Variants in PTPRD observed in about 807,000 individuals in gnomAD.
PTPRD encodes protein tyrosine phosphatase receptor type D, also known as receptor-type tyrosine-protein phosphatase delta.
PTPRD carries 34 observed loss-of-function variants against 214.5 expected under a neutral mutation model. That is an observed-to-expected ratio of 0.16 (90% CI 0.12 to 0.21). The LOEUF is 0.21. Among genes scored for constraint, PTPRD ranks in the 10% least tolerant of loss-of-function variants. The probability of loss-of-function intolerance (pLI) is 1.00; values close to 1 mark genes in which losing one functional copy is unlikely to be tolerated. For missense variants in PTPRD, 2,545 were observed against 2,398.7 expected, an observed-to-expected ratio of 1.06 and a Z score of -1.27; for synonymous variants, 1,128 against 845.7, an observed-to-expected ratio of 1.33 and a Z score of -5.79.
At chr9:8,702,711 G>C (rs374557678) in intron 12 of PTPRD, among the ~76,000 whole-genome samples, 3 of 152,118 alleles carry the variant, frequency 2.0e-5, no homozygotes, top group Non-Finnish European at 4.4e-5. Flanking sequence ...GTGTTCAAGC[G>C]ATTCTCCTGC....
In PTPRD at chr9:9,302,206, C is replaced by T. The variant is rs530637719; in HGVS notation, c.-203+95243G>A. Among the ~76,000 whole-genome samples, 597 of 151,852 alleles carry T rather than the reference C, an allele frequency of 3.9e-3. 6 individuals are homozygous for T. The highest frequency in any genetic ancestry group is 0.013 in the African/African-American group (553 of 41,486). ...GATAATTTCTTCTTTTTTTAAATTG[C>T]TTTTTTTCCCGAAAATATGTTATGG... On this transcript the variant is annotated intron_variant, in intron 9 of 45. Coordinates refer to ENST00000381196, the MANE Select transcript of PTPRD (RefSeq NM_002839.4).
intron 14 of PTPRD, among the ~76,000 whole-genome samples, chr9:8,552,705 A>G (rs137949685): frequency 2.8e-4 from 43 of 152,308 alleles, no homozygotes; most frequent in South Asian, 1.5e-3. Context: ...AAGAAGCCAA[A>G]TGCAACCCCA....
At chr9:8,420,869 G>C (rs1420170248) in intron 35 of PTPRD, among the ~76,000 whole-genome samples, 2 of 150,204 alleles carry the variant, frequency 1.3e-5, no homozygotes, top group Admixed American at 1.3e-4. Context: ...TGAGTTCTGT[G>C]ATCAGTATTC....
intron 8 of PTPRD, among the ~76,000 whole-genome samples, chr9:9,568,017 A>G (rs560470163): frequency 1.3e-5 from 2 of 151,758 alleles, no homozygotes; most frequent in African/African-American, 2.4e-5. Context: ...ATCTTTCAAT[A>G]TTGAGGGATT....
intron 9 of PTPRD, among the ~76,000 whole-genome samples, chr9:9,330,903 A>G (rs957097262): frequency 6.6e-6 from 1 of 151,434 alleles, no homozygotes. Context: ...GGAAAAGAAG[A>G]GCTTTTTTTT....
intron 33 of PTPRD, among the ~76,000 whole-genome samples, chr9:8,455,485 A>G (rs1468489260): frequency 6.6e-6 from 1 of 152,218 alleles, no homozygotes; most frequent in African/African-American, 2.4e-5. Context: ...GGCAAATTGC[A>G]AAGTTTTCAG....
chr9:9,608,214 T>C (rs1001675693), intron 7 of PTPRD, among the ~76,000 whole-genome samples: 3 of 152,176 alleles, frequency 2.0e-5, no homozygotes, highest in African/African-American at 7.2e-5. Context: ...CCTGACATGG[T>C]GCTTTCAAGA....
At chr9:10,208,515 A>C (rs1025071006) in intron 3 of PTPRD, among the ~76,000 whole-genome samples, 1 of 152,250 alleles carries the variant, frequency 6.6e-6, no homozygotes, top group East Asian at 1.9e-4. Context: ...CTGCGTCTCA[A>C]AAAATAAAAA....
At chr9:8,863,301 A>G (rs1306748514) in intron 11 of PTPRD, among the ~76,000 whole-genome samples, 1 of 152,206 alleles carries the variant, frequency 6.6e-6, no homozygotes, top group African/African-American at 2.4e-5. Flanking sequence ...ACAAATGGAT[A>G]TTCCCATTAA....
rs564006396 is a variant in PTPRD, at chr9:8,434,957, G to A, written c.4086+1635C>T. Among the ~76,000 whole-genome samples, 6 of 152,286 alleles carry A rather than the reference G, an allele frequency of 3.9e-5. No individual in the cohort carries two copies. The East Asian group carries it at 5.8e-4, about 15-fold the overall frequency. On this transcript the variant is annotated intron_variant, in intron 35 of 45. Coordinates refer to ENST00000381196, the MANE Select transcript of PTPRD (RefSeq NM_002839.4). Reference sequence around the variant, plus strand: ...CGACCATTTGAGAAAAGAAGACAACGTGCAATCCGGTGTGAATTTTCCTAG... The same window carrying A: ...CGACCATTTGAGAAAAGAAGACAACATGCAATCCGGTGTGAATTTTCCTAG...
intron 7 of PTPRD, among the ~76,000 whole-genome samples, chr9:9,687,820 C>A (rs554748176): frequency 2.8e-4 from 43 of 151,814 alleles, no homozygotes; most frequent in Middle Eastern, 3.4e-3. Context: ...TACATGTATG[C>A]ACACACAGAT....
At chr9:8,632,199 A>T (rs535944911) in intron 14 of PTPRD, among the ~76,000 whole-genome samples, 55 of 151,376 alleles carry the variant, frequency 3.6e-4, no homozygotes, top group Non-Finnish European at 6.9e-4. Flanking sequence ...TTTGACCTAC[A>T]TTACTAATTA....
At chr9:10,560,577 AT>A (rs768834846) in intron 2 of PTPRD, among the ~76,000 whole-genome samples, 20 of 152,336 alleles carry the variant, frequency 1.3e-4, no homozygotes, top group Middle Eastern at 3.4e-3. Context: ...CAATAAAAAA[AT>A]AAACAAAAAT....
At chr9:9,856,636 A>C (rs1462133032) in intron 5 of PTPRD, among the ~76,000 whole-genome samples, 1 of 139,048 alleles carries the variant, frequency 7.2e-6, no homozygotes, top group Non-Finnish European at 1.6e-5. Flanking sequence ...AAGAAAATTT[A>C]CCAAAAAAAA....
At chr9:9,471,201 A>G (rs2094563381) in intron 8 of PTPRD, among the ~76,000 whole-genome samples, 1 of 152,216 alleles carries the variant, frequency 6.6e-6, no homozygotes, top group Non-Finnish European at 1.5e-5. Flanking sequence ...ATTTGACTAC[A>G]TTTGTGTGCA....
At chr9:9,679,717 A>T (rs1014840286) in intron 7 of PTPRD, among the ~76,000 whole-genome samples, 1 of 151,910 alleles carries the variant, frequency 6.6e-6, no homozygotes, top group East Asian at 1.9e-4. Flanking sequence ...TTTAAAAACT[A>T]AAAGATGTAA....
chr9:9,174,976 A>G (rs2099923740), intron 10 of PTPRD, among the ~76,000 whole-genome samples: 1 of 152,106 alleles, frequency 6.6e-6, no homozygotes, highest in Non-Finnish European at 1.5e-5. Flanking sequence ...AATGGGATTA[A>G]TATCATTATA....
chr9:9,363,994 T>C (rs963447173), intron 9 of PTPRD, among the ~76,000 whole-genome samples: 2 of 151,424 alleles, frequency 1.3e-5, no homozygotes, highest in African/African-American at 4.8e-5. Context: ...ATGGTATTAG[T>C]TGAAGGCTAA....
At chr9:8,978,951 A>C (rs913050691) in intron 11 of PTPRD, among the ~76,000 whole-genome samples, 9 of 152,114 alleles carry the variant, frequency 5.9e-5, no homozygotes, top group African/African-American at 2.2e-4. Context: ...ATTCATTTGA[A>C]TCCAATGAGG....
Sources: gnomAD v4.1 joint callset for allele counts (sites outside exome capture counted in the v4.1 genomes callset) on GRCh38, gnomAD v4.1.1 for gene constraint, MANE v1.5 for transcripts, NCBI Gene and HGNC (gene_info 2026-07-23, HGNC 2026-07-21) for gene names.